Variants in PTPRD observed in about 807,000 individuals in gnomAD.
The protein encoded by PTPRD is receptor-type tyrosine-protein phosphatase delta.
PTPRD carries 34 observed loss-of-function variants against 214.5 expected under a neutral mutation model. The ratio of observed to expected loss-of-function variants is 0.16; its 90% CI spans 0.12 to 0.21. PTPRD has a LOEUF of 0.21. PTPRD is among the 10% of genes least tolerant of loss of function. PTPRD has a pLI of 1.00. For missense variants in PTPRD, 2,545 were observed against 2,398.7 expected, an observed-to-expected ratio of 1.06 and a Z score of -1.27; for synonymous variants, 1,128 against 845.7, an observed-to-expected ratio of 1.33 and a Z score of -5.79.
At chr9:10,048,593 A>C (rs1200096341) in intron 3 of PTPRD, among the ~76,000 whole-genome samples, 6 of 152,020 alleles carry the variant, frequency 3.9e-5, no homozygotes. Flanking sequence ...AATTTCATTA[A>C]TACTCTAAAA....
At position 9,665,892 on chromosome 9, in the gene PTPRD, C is replaced by A. The variant is rs2154383060; in HGVS notation, c.-287+68641G>T. Among the ~76,000 whole-genome samples the A allele has an allele frequency of 1.3e-5, 2 of 151,810 alleles. 1 individual carries two copies. Among genetic ancestry groups the A allele is most frequent in the East Asian group, 3.9e-4 (2 of 5,164 alleles). On this transcript the variant is annotated intron_variant, in intron 7 of 45. Coordinates refer to ENST00000381196, the MANE Select transcript of PTPRD (RefSeq NM_002839.4). ...TTGATTGAAGTGACATACCATATTTCAAATGTTTATTTTTTACTGGTTTGA... is the reference window on the plus strand; with the variant it reads ...TTGATTGAAGTGACATACCATATTTAAAATGTTTATTTTTTACTGGTTTGA...
intron 11 of PTPRD, among the ~76,000 whole-genome samples, chr9:8,879,193 A>G (rs557308748): frequency 7.2e-5 from 11 of 152,268 alleles, no homozygotes; most frequent in African/African-American, 1.9e-4. Context: ...AGCTCAGGAA[A>G]ATAAGATCTG....
intron 2 of PTPRD, among the ~76,000 whole-genome samples, chr9:10,599,239 T>C (rs890131994): frequency 1.6e-4 from 25 of 151,688 alleles, no homozygotes; most frequent in African/African-American, 6.0e-4. Context: ...AACCATGTCA[T>C]CCCATCAGCC....
At chr9:9,889,201 T>G (rs2072243009) in intron 5 of PTPRD, among the ~76,000 whole-genome samples, 1 of 152,018 alleles carries the variant, frequency 6.6e-6, no homozygotes, top group Non-Finnish European at 1.5e-5. Flanking sequence ...TATTGTACAA[T>G]GTACTGATAT....
rs189844552 is a variant in PTPRD at position 9,065,284 on chromosome 9, G to A, written c.-142-46549C>T. Among the ~76,000 whole-genome samples, 3 of 152,236 alleles carry A rather than the reference G, an allele frequency of 2.0e-5. No homozygotes were observed. In the East Asian group the frequency reaches 5.8e-4, roughly 29 times the overall value. ...TTATGTTTGAAATAGAGAGATCAGG[G>A]TACGCTTTGCTGAAAAGTGACAATG... On this transcript the variant is annotated intron_variant, in intron 10 of 45. Coordinates refer to ENST00000381196, the MANE Select transcript of PTPRD (RefSeq NM_002839.4).
chr9:9,960,678 G>A (rs980447799), intron 4 of PTPRD, among the ~76,000 whole-genome samples: 3 of 152,060 alleles, frequency 2.0e-5, no homozygotes, highest in Non-Finnish European at 4.4e-5. Context: ...TAACAGAGGG[G>A]CATCCTGCAA....
At chr9:9,851,033 C>A (rs1397685006) in intron 5 of PTPRD, among the ~76,000 whole-genome samples, 4 of 152,156 alleles carry the variant, frequency 2.6e-5, no homozygotes, top group Non-Finnish European at 5.9e-5. Flanking sequence ...ATTATTTAAC[C>A]TAACTTCAGA....
intron 11 of PTPRD, among the ~76,000 whole-genome samples, chr9:8,929,349 T>C (rs566476049): frequency 1.9e-4 from 29 of 152,260 alleles, no homozygotes; most frequent in African/African-American, 6.7e-4. Flanking sequence ...TCTTATTATT[T>C]TGAGGTACAT....
intron 9 of PTPRD, among the ~76,000 whole-genome samples, chr9:9,347,614 C>A (rs1307417314): frequency 6.6e-6 from 1 of 152,022 alleles, no homozygotes; most frequent in Non-Finnish European, 1.5e-5. Context: ...AATATCCATG[C>A]AGTTACACTA....
chr9:9,353,503 T>C (rs1436883741), intron 9 of PTPRD, among the ~76,000 whole-genome samples: 2 of 151,838 alleles, frequency 1.3e-5, no homozygotes, highest in Non-Finnish European at 2.9e-5. Context: ...TCCACTTCTA[T>C]ATATTGCAAT....
At chr9:8,564,816 G>A (rs1420067565) in intron 14 of PTPRD, among the ~76,000 whole-genome samples, 1 of 152,154 alleles carries the variant, frequency 6.6e-6, no homozygotes, top group Admixed American at 6.5e-5. Flanking sequence ...GTGGGTTGGT[G>A]TGCATTCACT....
intron 14 of PTPRD, among the ~76,000 whole-genome samples, chr9:8,555,899 C>T (rs2083590904): frequency 6.6e-6 from 1 of 152,182 alleles, no homozygotes; most frequent in Non-Finnish European, 1.5e-5. Context: ...CTTTATATTG[C>T]ACCCTTGGGG....
chr9:9,661,229 T>A (rs1237683058), intron 7 of PTPRD, among the ~76,000 whole-genome samples: 1 of 151,932 alleles, frequency 6.6e-6, no homozygotes, highest in Non-Finnish European at 1.5e-5. Flanking sequence ...CATTCCATTT[T>A]CTAATTAAGA....
intron 9 of PTPRD, among the ~76,000 whole-genome samples, chr9:9,192,224 TAAAA>T (rs372013080): frequency 5.4e-5 from 8 of 148,056 alleles, no homozygotes; most frequent in Non-Finnish European, 1.0e-4. Flanking sequence ...ATAGCAAAGA[TAAAA>T]AAAAAGCTGT....
At chr9:10,303,726 C>A (rs2154409333) in intron 3 of PTPRD, among the ~76,000 whole-genome samples, 1 of 152,188 alleles carries the variant, frequency 6.6e-6, no homozygotes, top group Non-Finnish European at 1.5e-5. Flanking sequence ...GAAGTCCAAT[C>A]TCTGAATAGA....
At chr9:9,460,068 A>T (rs994918061) in intron 8 of PTPRD, among the ~76,000 whole-genome samples, 2 of 152,116 alleles carry the variant, frequency 1.3e-5, no homozygotes, top group Admixed American at 1.3e-4. Flanking sequence ...GGTCTTTGAC[A>T]AAGCTGACAA....
chr9:9,761,862 C>T (rs1272584011), intron 6 of PTPRD, among the ~76,000 whole-genome samples: 3 of 152,112 alleles, frequency 2.0e-5, no homozygotes, highest in Non-Finnish European at 2.9e-5. Flanking sequence ...TTCCATGCTC[C>T]ACCTCTTTCC....
intron 8 of PTPRD, among the ~76,000 whole-genome samples, chr9:9,426,622 T>G (rs1242826693): frequency 1.3e-5 from 2 of 152,200 alleles, no homozygotes; most frequent in Non-Finnish European, 2.9e-5. Context: ...AGTGGGACCC[T>G]GACCCCCGAG....
intron 5 of PTPRD, among the ~76,000 whole-genome samples, chr9:9,865,514 G>A (rs2063748010): frequency 6.6e-6 from 1 of 152,178 alleles, no homozygotes; most frequent in Admixed American, 6.5e-5. Context: ...CCACAAGCAA[G>A]AAGATTCTCA....
Sources: gnomAD v4.1 joint callset for allele counts (sites outside exome capture counted in the v4.1 genomes callset) on GRCh38, gnomAD v4.1.1 for gene constraint, MANE v1.5 for transcripts, NCBI Gene and HGNC (gene_info 2026-07-23, HGNC 2026-07-21) for gene names.